TMEM164: variants seen among roughly 807,000 people sequenced by gnomAD.
TMEM164 encodes the protein RP13-360B22.2.
A neutral mutation model predicts 18.8 loss-of-function variants in TMEM164; 4 were observed. The observed-to-expected ratio is 0.21, with a 90% CI of 0.10 to 0.49. The LOEUF is 0.49. Among genes scored for constraint, TMEM164 ranks in the 20% least tolerant of loss-of-function variants. The pLI is 0.98. For missense variants in TMEM164, 108 were observed against 239.9 expected (o/e 0.45, Z 3.63); for synonymous variants, 86 against 101.7 (o/e 0.85, Z 0.93).
At chrX:110,145,783 T>C (rs190608744) in intron 5 of TMEM164, among the ~76,000 whole-genome samples, 40 of 111,863 alleles carry the variant, frequency 3.6e-4, no homozygotes, top group African/African-American at 1.2e-3. Flanking sequence ...CTTCTTGGCT[T>C]ATGCGTGGAT....
intron 3 of TMEM164, among the ~76,000 whole-genome samples, chrX:110,091,806 T>C (rs1361806656): frequency 8.9e-6 from 1 of 112,420 alleles, no homozygotes; most frequent in African/African-American, 3.2e-5. Flanking sequence ...TGAATGCTAT[T>C]GCCTAGGTTT....
chrX:110,107,578 G>T (rs1277098562), intron 3 of TMEM164, among the ~76,000 whole-genome samples: 1 of 110,959 alleles, frequency 9.0e-6, no homozygotes, highest in African/African-American at 3.3e-5. Context: ...TGGGGTTTCT[G>T]TGCCATTCTC....
At chrX:110,130,397 T>G (rs1035925310) in intron 4 of TMEM164, among the ~76,000 whole-genome samples, 16 of 112,044 alleles carry the variant, frequency 1.4e-4, no homozygotes, top group African/African-American at 5.2e-4. Flanking sequence ...GTCTCAGTTT[T>G]CTTAGGTTCT....
intron 4 of TMEM164, among the ~76,000 whole-genome samples, chrX:110,136,269 T>C (rs768596496): frequency 2.0e-4 from 22 of 111,511 alleles, no homozygotes; most frequent in South Asian, 3.8e-4. Context: ...CCCCTATTGA[T>C]GGTCATTTAG....
At chrX:110,132,587 A>G (rs2066628446) in intron 4 of TMEM164, among the ~76,000 whole-genome samples, 1 of 111,975 alleles carries the variant, frequency 8.9e-6, no homozygotes, top group Non-Finnish European at 1.9e-5. Flanking sequence ...CCTCATAAAA[A>G]GGGTATTATG....
intron 5 of TMEM164, among the ~76,000 whole-genome samples, chrX:110,148,873 T>C (rs2066899970): frequency 9.0e-6 from 1 of 110,523 alleles, no homozygotes; most frequent in Non-Finnish European, 1.9e-5. Context: ...TTTCAGCCAA[T>C]ACAGATGTTC....
In TMEM164 at chrX:110,173,817, G is replaced by A. The variant is rs1057115934; in HGVS notation, c.*366G>A. 1 of 187,196 alleles carries A rather than the reference G, an allele frequency of 5.3e-6. No individual in the cohort carries two copies. Among genetic ancestry groups the A allele is most frequent in the Non-Finnish European group, 9.7e-6 (1 of 103,089 alleles). 15.4% of individuals were successfully genotyped at this position (187,196 alleles called of 1,213,427 possible). A position where few individuals can be genotyped will look rare whatever the true frequency, so the allele number is the denominator to read the frequency against. On this transcript the variant is annotated 3_prime_UTR_variant, in exon 7 of 7. Transcript: ENST00000372068. The stretch of plus-strand genomic sequence containing the variant: ...AACAAGTAGTAGTTCTTTTGGCATC[G>A]AAGCAATGAGATTGGGTTGTGTTTC...
At chrX:110,028,267 A>T (rs1934298726) in intron 2 of TMEM164, among the ~76,000 whole-genome samples, 1 of 112,176 alleles carries the variant, frequency 8.9e-6, no homozygotes, top group Non-Finnish European at 1.9e-5. Flanking sequence ...TCTCACTAGT[A>T]GTTTGTAAGT....
intron 2 of TMEM164, among the ~76,000 whole-genome samples, chrX:110,012,908 G>A (rs769568295): frequency 8.9e-6 from 1 of 112,185 alleles, no homozygotes; most frequent in South Asian, 3.7e-4. Context: ...GGCAGAGGGA[G>A]GAAGGATAAT....
chrX:110,061,825 T>A (rs1219880097), intron 2 of TMEM164, among the ~76,000 whole-genome samples: 1 of 111,483 alleles, frequency 9.0e-6, no homozygotes, highest in African/African-American at 3.3e-5. Flanking sequence ...TAAGGGAAGC[T>A]TTCCTGGAGA....
intron 2 of TMEM164, among the ~76,000 whole-genome samples, chrX:110,005,969 CA>C (rs1932682217): frequency 9.0e-6 from 1 of 111,378 alleles, no homozygotes; most frequent in Non-Finnish European, 1.9e-5. Flanking sequence ...TCAAGACTGG[CA>C]ACACCATGGT....
intron 4 of TMEM164, among the ~76,000 whole-genome samples, chrX:110,119,231 G>A (rs766187944): frequency 9.8e-5 from 11 of 111,931 alleles, no homozygotes; most frequent in Non-Finnish European, 1.7e-4. Context: ...AAAAGGTGGC[G>A]GCTTTGTGCC....
chrX:110,147,489 C>G (rs1440692395), intron 5 of TMEM164, among the ~76,000 whole-genome samples: 2 of 111,677 alleles, frequency 1.8e-5, no homozygotes, highest in Non-Finnish European at 3.8e-5. Flanking sequence ...ACAGCTTCCT[C>G]TAATGGAGGC....
downstream of TMEM164, among the ~76,000 whole-genome samples, chrX:110,180,497 C>CTG (rs1569366523): frequency 9.2e-6 from 1 of 108,547 alleles, no homozygotes; most frequent in African/African-American, 3.5e-5. Flanking sequence ...CCCCCCGCCC[C>CTG]GCCCACAGTC....
chrX:110,068,459 A>G (rs895717469), intron 3 of TMEM164, among the ~76,000 whole-genome samples: 4 of 112,384 alleles, frequency 3.6e-5, no homozygotes, highest in African/African-American at 1.3e-4. Context: ...AGTAACATTT[A>G]TTGGTTCTAT....
At chrX:110,009,544 A>ATT (rs1932907639) in intron 2 of TMEM164, among the ~76,000 whole-genome samples, 1 of 111,419 alleles carries the variant, frequency 9.0e-6, no homozygotes, top group Non-Finnish European at 1.9e-5. Context: ...GGAGTAGTGG[A>ATT]TTTTTCCTTT....
chrX:110,152,420 C>G (rs2066956528), intron 5 of TMEM164, among the ~76,000 whole-genome samples: 1 of 110,929 alleles, frequency 9.0e-6, no homozygotes, highest in Non-Finnish European at 1.9e-5. Flanking sequence ...GTTAGAAAGC[C>G]CTTTACTACT....
Position 110,084,421 on chromosome X carries a change from A to AG in TMEM164, c.440+17025_440+17026insG, listed in dbSNP as rs2065816022. Reference sequence around the variant, plus strand: ...TAGTATATATATATAGTGTATATATATATAGTATAGTATATATATATAGTA... The same window carrying AG: ...TAGTATATATATATAGTGTATATATAGTATAGTATAGTATATATATATAGTA... On this transcript the variant is annotated intron_variant, in intron 3 of 6. Coordinates refer to ENST00000372068, the MANE Select transcript of TMEM164 (RefSeq NM_032227.4). Among the ~76,000 whole-genome samples, 4 of 96,186 alleles carry AG rather than the reference A, an allele frequency of 4.2e-5. 1 individual carries two copies. The highest frequency in any genetic ancestry group is 1.5e-4 in the African/African-American group (4 of 26,669). 83.5% of individuals were successfully genotyped at this position (96,186 alleles called of 115,157 possible).
chrX:110,027,879 A>G (rs1248900895), intron 2 of TMEM164, among the ~76,000 whole-genome samples: 3 of 112,317 alleles, frequency 2.7e-5, no homozygotes, highest in Non-Finnish European at 3.8e-5. Context: ...AGTTTGTGCT[A>G]GCTTCATAAA....
Sources: gnomAD v4.1 joint callset for allele counts (sites outside exome capture counted in the v4.1 genomes callset) on GRCh38, gnomAD v4.1.1 for gene constraint, MANE v1.5 for transcripts, NCBI Gene and HGNC (gene_info 2026-07-23, HGNC 2026-07-21) for gene names.